The following TPH2 variants were observed in gnomAD, a reference collection of about 807,000 sequenced individuals.
TPH2 encodes tryptophan 5-hydroxylase 2.
Under a neutral mutation model 59.1 loss-of-function variants are expected in TPH2, and 27 were observed. That is an observed-to-expected ratio of 0.46 (90% CI 0.34 to 0.63). The LOEUF (loss-of-function observed/expected upper bound fraction) is 0.63, where lower values mean the gene tolerates loss of function less well. Among genes scored for constraint, TPH2 ranks in the 30% least tolerant of loss-of-function variants. The probability of loss-of-function intolerance (pLI) is 0.01; values close to 1 mark genes in which losing one functional copy is unlikely to be tolerated. For synonymous variants in TPH2, 220 were observed against 210.5 expected (o/e 1.05, Z -0.39); for missense variants, 523 against 588.3 (o/e 0.89, Z 1.15).
chr12:71,987,615 G>T (rs1872470407), intron 7 of TPH2, among the ~76,000 whole-genome samples: 1 of 152,224 alleles, frequency 6.6e-6, no homozygotes, highest in African/African-American at 2.4e-5. Flanking sequence ...TTGGGAGGCT[G>T]AGACGGGCAG....
chr12:71,943,975 A>G (rs1352141381), intron 2 of TPH2, among the ~76,000 whole-genome samples: 54 of 152,266 alleles, frequency 3.5e-4, no homozygotes, highest in Non-Finnish European at 2.2e-4. Flanking sequence ...TCCCCAAATA[A>G]TCACGTGCCA....
At chr12:72,009,752 T>A (rs901656735) in intron 8 of TPH2, among the ~76,000 whole-genome samples, 9 of 152,230 alleles carry the variant, frequency 5.9e-5, no homozygotes, top group African/African-American at 2.2e-4. Context: ...CATGGCAGAA[T>A]GGCTGCAGGA....
intron 7 of TPH2, among the ~76,000 whole-genome samples, chr12:71,991,932 A>C (rs1221181942): frequency 6.6e-6 from 1 of 152,174 alleles, no homozygotes; most frequent in Non-Finnish European, 1.5e-5. Flanking sequence ...ATCAGTTATC[A>C]CAGTGAATCT....
chr12:72,021,890 C>G (rs1238620528), intron 8 of TPH2, among the ~76,000 whole-genome samples: 1 of 152,116 alleles, frequency 6.6e-6, no homozygotes, highest in Non-Finnish European at 1.5e-5. Flanking sequence ...CTTGGTTGCT[C>G]TCTTGTTTCT....
chr12:72,003,216 C>G (rs4760820), intron 8 of TPH2, among the ~76,000 whole-genome samples: 44,440 of 151,900 alleles, frequency 0.29, 8,201 homozygotes, highest in Non-Finnish European at 0.41. Flanking sequence ...CTACAGAAAG[C>G]TTGAAATAAG....
intron 5 of TPH2, among the ~76,000 whole-genome samples, chr12:71,949,945 CT>C (rs1871299721): frequency 6.6e-6 from 1 of 151,992 alleles, no homozygotes; most frequent in South Asian, 2.1e-4. Flanking sequence ...GCCTTAGAAA[CT>C]GTGTTTTAAT....
At position 72,031,707 on chromosome 12, in the gene TPH2, A is replaced by G; in HGVS notation, c.*12A>G. ...ATCTGGGGATTTGATGCCTGGAACT[A>G]TGTTGTTGCCAGCATGATCTTTTTG... On this transcript the variant is annotated 3_prime_UTR_variant, in exon 11 of 11. Transcript: ENST00000333850. 2 of 1,613,178 alleles carry G rather than the reference A, an allele frequency of 1.2e-6. No individual in the cohort carries two copies. The highest frequency in any genetic ancestry group is 1.7e-6 in the Non-Finnish European group (2 of 1,179,230).
intron 6 of TPH2, among the ~76,000 whole-genome samples, chr12:71,978,226 AAAG>A (rs1375381097): frequency 1.3e-5 from 2 of 152,298 alleles, no homozygotes; most frequent in East Asian, 3.9e-4. Context: ...AAAAAAAAAA[AAAG>A]AATAGTCCTT....
chr12:72,000,611 T>A (rs1380588171), intron 8 of TPH2, among the ~76,000 whole-genome samples: 1 of 150,780 alleles, frequency 6.6e-6, no homozygotes, highest in African/African-American at 2.5e-5. Context: ...AATAGGAGAG[T>A]ATGTCTTTCG....
intron 5 of TPH2, among the ~76,000 whole-genome samples, chr12:71,957,327 ATTTTTTTTT>A (rs35425528): frequency 6.3e-5 from 6 of 95,596 alleles, no homozygotes; most frequent in Non-Finnish European, 1.2e-4. Context: ...TGAGTAAAGG[ATTTTTTTTT>A]TTTTTTTTTT....
At position 71,957,327 on chromosome 12, in the gene TPH2, A is replaced by ATTTTTTTTTT. The variant is rs35425528; in HGVS notation, c.608+7687_608+7696dup. Among the ~76,000 whole-genome samples the ATTTTTTTTTT allele has an allele frequency of 2.9e-4, 28 of 95,594 alleles. No individual in the cohort carries two copies. In the East Asian group the frequency reaches 6.7e-3, roughly 23 times the overall value. 62.7% of individuals were successfully genotyped at this position (95,594 alleles called of 152,430 possible). A position where few individuals can be genotyped will look rare whatever the true frequency, so the allele number is the denominator to read the frequency against. ...TAGGCTCATTTAAAATGAGTAAAGG[A>ATTTTTTTTTT]TTTTTTTTTTTTTTTTTTTTTTTTG... On this transcript the variant is annotated intron_variant, in intron 5 of 10. Transcript: ENST00000333850.
chr12:71,982,015 A>ATTTTTTTTTTTTTTTTT lies in TPH2; in HGVS notation c.941+2929_941+2945dup, dbSNP rs781612841. Among the ~76,000 whole-genome samples the ATTTTTTTTTTTTTTTTT allele has an allele frequency of 2.6e-3, 156 of 60,488 alleles. 33 individuals carry two copies. The highest frequency in any genetic ancestry group is 7.3e-3 in the African/African-American group (120 of 16,376). The allele number at this position is 60,488 out of a possible 152,430, so 39.7% of individuals were successfully genotyped here. ...TTTTTGTGGGTTTCATATCATTCGT[A>ATTTTTTTTTTTTTTTTT]TTTTTTTTTTTTTTTTTAGACAGAG... On this transcript the variant is annotated intron_variant, in intron 7 of 10. Coordinates refer to ENST00000333850, the MANE Select transcript of TPH2 (RefSeq NM_173353.4).
intron 5 of TPH2, 111 bp downstream of exon 5, chr12:71,949,766 AC>A: frequency 1.2e-6 from 1 of 854,802 alleles, no homozygotes; most frequent in South Asian, 1.4e-5. Flanking sequence ...GCAGGTGTGA[AC>A]CATTTTAAAC....
chr12:72,032,033 G>A lies in TPH2; in HGVS notation c.*338G>A, dbSNP rs1180490643. The A allele has an allele frequency of 3.1e-6, 1 of 322,932 alleles. No individual in the cohort carries two copies. Among genetic ancestry groups the A allele is most frequent in the Non-Finnish European group, 6.0e-6 (1 of 168,016 alleles). The allele number at this position is 322,932 out of a possible 1,614,324, so 20.0% of individuals were successfully genotyped here. ...CTCATTTATGCCCTTTTCTTTTTCA[G>A]ATCTAAGCCTTTCCTCTGTGTTCAT... On this transcript the variant is annotated 3_prime_UTR_variant, in exon 11 of 11. Transcript: ENST00000333850.
chr12:72,007,605 G>T (rs1490138501), intron 8 of TPH2, among the ~76,000 whole-genome samples: 1 of 152,056 alleles, frequency 6.6e-6, no homozygotes, highest in Non-Finnish European at 1.5e-5. Flanking sequence ...ATGTGTTTTG[G>T]ATATCTCTTC....
intron 2 of TPH2, 34 bp downstream of exon 2, chr12:71,941,767 G>A: frequency 6.3e-7 from 1 of 1,597,744 alleles, no homozygotes. Context: ...AATTTTAAAA[G>A]TGACCGTGTG....
chr12:71,945,371 T>C (rs904554237), intron 4 of TPH2, among the ~76,000 whole-genome samples: 6 of 151,972 alleles, frequency 3.9e-5, no homozygotes, highest in African/African-American at 1.5e-4. Context: ...ATGGCCAGAG[T>C]GAAGTACAGT....
intron 7 of TPH2, among the ~76,000 whole-genome samples, chr12:71,990,398 T>TCTC (rs910719823): frequency 6.6e-6 from 1 of 152,140 alleles, no homozygotes; most frequent in African/African-American, 2.4e-5. Context: ...GGCACAGAGG[T>TCTC]TAGAGAGAAG....
At chr12:71,961,898 A>T in intron 5 of TPH2, 1 of 1,087,616 alleles carries the variant, frequency 9.2e-7, no homozygotes, top group South Asian at 2.7e-5. Context: ...TTGTAAAGGC[A>T]GCACCAATAT....
Sources: allele counts gnomAD v4.1 joint callset (sites outside exome capture counted in the v4.1 genomes callset), GRCh38; gene constraint gnomAD v4.1.1; transcripts MANE v1.5; gene names NCBI Gene and HGNC (gene_info 2026-07-23, HGNC 2026-07-21).